MAPDA: variants seen among roughly 807,000 people sequenced by gnomAD.
MAPDA encodes N6,N6-dimethyl-AMP deaminase.
the MAPDA span, among the ~76,000 whole-genome samples, chr15:43,347,386 G>T: frequency 6.6e-6 from 1 of 152,070 alleles, no homozygotes; most frequent in African/African-American, 2.4e-5. Flanking sequence ...TCCAACATCA[G>T]TCTTGTCATT....
the MAPDA span, chr15:43,335,666 T>C: frequency 6.3e-7 from 1 of 1,577,026 alleles, no homozygotes; most frequent in Non-Finnish European, 8.6e-7. Flanking sequence ...TATTGGATAT[T>C]TGATAAGTTT....
chr15:43,345,939 G>A, the MAPDA span: 1 of 1,614,202 alleles, frequency 6.2e-7, no homozygotes, highest in South Asian at 1.1e-5. Flanking sequence ...CCTTTCTACT[G>A]AGGGTACAGT....
At chr15:43,330,601 T>C in the MAPDA span, 6 of 1,240,672 alleles carry the variant, frequency 4.8e-6, no homozygotes, top group Non-Finnish European at 6.4e-6. Flanking sequence ...GCTCCTGGAC[T>C]TCCCCTTCCG....
the MAPDA span, among the ~76,000 whole-genome samples, chr15:43,350,150 C>A: frequency 6.6e-6 from 1 of 152,158 alleles, no homozygotes; most frequent in South Asian, 2.1e-4. Context: ...ACTGCAAGCT[C>A]CACATCCTGG....
At chr15:43,330,356 G>A in the MAPDA span, 130 of 1,589,380 alleles carry the variant, frequency 8.2e-5, no homozygotes, top group Admixed American at 1.7e-3. Flanking sequence ...GCGGCGCGCC[G>A]CGCCCGGAAC....
chr15:43,345,369 A>AG, the MAPDA span, among the ~76,000 whole-genome samples: 8 of 145,036 alleles, frequency 5.5e-5, no homozygotes, highest in African/African-American at 1.0e-4. Context: ...AAAAAAAAAA[A>AG]AAATAGGACA....
the MAPDA span, chr15:43,340,278 T>C: frequency 1.9e-6 from 3 of 1,613,998 alleles, no homozygotes; most frequent in Non-Finnish European, 2.5e-6. Flanking sequence ...ACAAAAGATG[T>C]CATAAAAGAA....
At chr15:43,351,552 T>G in the MAPDA span, 1 of 559,892 alleles carries the variant, frequency 1.8e-6, no homozygotes, top group Non-Finnish European at 3.1e-6. Flanking sequence ...CAGCCAGAGT[T>G]GAAACACTGC....
the MAPDA span, chr15:43,352,507 A>C: frequency 1.3e-5 from 2 of 152,200 alleles, no homozygotes; most frequent in African/African-American, 4.8e-5. Flanking sequence ...CAGCCTAGGC[A>C]ACATGGAGAA....
At chr15:43,330,511 G>A in the MAPDA span, 1 of 1,511,804 alleles carries the variant, frequency 6.6e-7, no homozygotes, top group Non-Finnish European at 8.8e-7. Context: ...ACTCAGGAAT[G>A]GCAGTCTGTC....
At chr15:43,330,571 G>A in the MAPDA span, 48 of 1,451,388 alleles carry the variant, frequency 3.3e-5, no homozygotes, top group East Asian at 1.1e-3. Context: ...GACCTCGGTA[G>A]GGGGAAAAAA....
At chr15:43,335,133 C>A in the MAPDA span, 17 of 1,613,752 alleles carry the variant, frequency 1.1e-5, no homozygotes, top group African/African-American at 2.0e-4. Flanking sequence ...GAGCAACAGC[C>A]TTGCAAGACA....
At chr15:43,339,080 AACCT>A in the MAPDA span, among the ~76,000 whole-genome samples, 2 of 152,178 alleles carry the variant, frequency 1.3e-5, no homozygotes, top group African/African-American at 4.8e-5. Context: ...CAGATTCCTC[AACCT>A]ATTAATACAA....
chr15:43,347,321 AGCTGT>A, the MAPDA span, among the ~76,000 whole-genome samples: 5 of 152,202 alleles, frequency 3.3e-5, no homozygotes, highest in African/African-American at 9.7e-5. Flanking sequence ...CTCAAATGCC[AGCTGT>A]GTCATTAAAA....
At chr15:43,351,283 G>C in the MAPDA span, 38 of 407,030 alleles carry the variant, frequency 9.3e-5, no homozygotes, top group African/African-American at 7.9e-4. Context: ...CAGAGATCAT[G>C]CCATTGCACT....
the MAPDA span, among the ~76,000 whole-genome samples, chr15:43,344,779 C>A: frequency 7.0e-6 from 1 of 143,628 alleles, no homozygotes; most frequent in Admixed American, 7.1e-5. Flanking sequence ...TCACTCCAGC[C>A]TGGGTGACAA....
the MAPDA span, among the ~76,000 whole-genome samples, chr15:43,342,420 A>G: frequency 6.7e-6 from 1 of 149,448 alleles, no homozygotes; most frequent in Admixed American, 6.7e-5. Context: ...TTTTTTCTGG[A>G]CTAGGAGGAG....
chr15:43,336,607 C>T, the MAPDA span: 1 of 1,557,084 alleles, frequency 6.4e-7, no homozygotes. Context: ...TATGTTAAAA[C>T]TTTTCATTCA....
chr15:43,335,488 C>T, the MAPDA span, among the ~76,000 whole-genome samples: 4 of 152,138 alleles, frequency 2.6e-5, no homozygotes, highest in South Asian at 4.1e-4. Context: ...GAGCTGAGAT[C>T]GCACCAGTGT....
Sources: gnomAD v4.1 joint callset for allele counts (sites outside exome capture counted in the v4.1 genomes callset) on GRCh38, gnomAD v4.1.1 for gene constraint, MANE v1.5 for transcripts, NCBI Gene and HGNC (gene_info 2026-07-23, HGNC 2026-07-21) for gene names.